The following CNTN2 variants were observed in gnomAD, a reference collection of about 807,000 sequenced individuals.
The protein encoded by CNTN2 is contactin 2.
In CNTN2, 53 loss-of-function variants were observed where a neutral mutation model predicts 117.5. That is an observed-to-expected ratio of 0.45 (90% CI 0.36 to 0.57). The LOEUF is 0.57. CNTN2 is among the 20% of genes least tolerant of loss of function. The pLI is 0.00. For missense variants in CNTN2, 1,106 were observed against 1,404.3 expected, an observed-to-expected ratio of 0.79 and a Z score of 3.39; for synonymous variants, 530 against 561.7, an observed-to-expected ratio of 0.94 and a Z score of 0.80.
chr1:205,072,255 A>G (rs1574662778), intron 20 of CNTN2, 122 bp downstream of exon 20: 3 of 1,071,188 alleles, frequency 2.8e-6, no homozygotes, highest in Non-Finnish European at 4.0e-6. Context: ...CTGAACAGAA[A>G]TTAGGCAGCG....
chr1:205,073,208 T>A lies in CNTN2; in HGVS notation c.2985T>A (p.Pro995=). The A allele has an allele frequency of 6.2e-7, 1 of 1,614,050 alleles. No homozygotes were observed. Among genetic ancestry groups the A allele is most frequent in the Non-Finnish European group, 8.5e-7 (1 of 1,179,990 alleles). Residue 995 remains proline, a synonymous_variant, in exon 22 of 23, where the codon CCT becomes CCA. Coordinates refer to ENST00000331830, the MANE Select transcript of CNTN2 (RefSeq NM_005076.5). The surrounding 1 kb of genome is among the most constrained non-coding windows in gnomAD (Gnocchi z 6.3). ...RTTGPGGDGI[P]AEVHIVRNGG... ...CAGGGCCCGGAGGGGATGGGATCCC[T>A]GCAGAAGTCCACATCGTGAGGAATG...
chr1:205,056,855 AAG>A (rs921361810), intron 2 of CNTN2, among the ~76,000 whole-genome samples: 3 of 152,162 alleles, frequency 2.0e-5, no homozygotes, highest in Admixed American at 1.3e-4. Context: ...ATGATGCATG[AAG>A]AGAGAGGAGT....
chr1:205,066,359 G>T, intron 14 of CNTN2, 82 bp from the exon 15 acceptor site: 1 of 1,533,996 alleles, frequency 6.5e-7, no homozygotes. Context: ...TACTGTACCA[G>T]CTCAAGCCTG....
chr1:205,073,335 C>T lies in CNTN2; in HGVS notation c.3013+99C>T, dbSNP rs895733033. 102 of 1,426,728 alleles carry T rather than the reference C, an allele frequency of 7.1e-5. No individual in the cohort carries two copies. The African/African-American group carries it at 1.2e-3, about 16-fold the overall frequency. The allele number at this position is 1,426,728 out of a possible 1,614,324, so 88.4% of individuals were successfully genotyped here. ...ACCCAGGCCAACTCCAATCTCTACC[C>T]GCAAAGGAAAGTGGAAGGCAGGCAG... On this transcript the variant is annotated intron_variant, in intron 22 of 22. Coordinates refer to ENST00000331830, the MANE Select transcript of CNTN2 (RefSeq NM_005076.5). This position sits in a 1 kb window ranked among gnomAD's most constrained non-coding sequence, Gnocchi z 6.3.
chr1:205,073,643 G>A lies in CNTN2; in HGVS notation c.3014-13G>A, dbSNP rs373723897. On this transcript the variant is annotated splice_polypyrimidine_tract_variant and intron_variant, in intron 22 of 22. Transcript: ENST00000331830. The surrounding 1 kb of genome is among the most constrained non-coding windows in gnomAD (Gnocchi z 6.3). ...GTCCCAGGCCCAGCTGACTCAGCTT[G>A]TGCTGGTTTCAGGCACAAGCATGAT... 3 of 1,611,978 alleles carry A rather than the reference G, an allele frequency of 1.9e-6. No homozygotes were observed. The highest frequency in any genetic ancestry group is 1.7e-5 in the Admixed American group (1 of 60,022).
chr1:205,070,674 T>C, intron 19 of CNTN2, 136 bp downstream of exon 19: 2 of 629,556 alleles, frequency 3.2e-6, no homozygotes, highest in East Asian at 5.7e-5. Context: ...ATCCAGTCTG[T>C]GTAGCACTGT....
intron 12 of CNTN2, 90 bp from the exon 13 acceptor site, chr1:205,064,997 C>A: frequency 6.9e-7 from 1 of 1,443,204 alleles, no homozygotes; most frequent in Non-Finnish European, 9.5e-7. Flanking sequence ...TTTGCTGGGC[C>A]TTAGGACAGA....
intron 19 of CNTN2, 97 bp from the exon 20 acceptor site, chr1:205,071,829 GCCTAAGACTGGGTCACAGGGA>G: frequency 1.0e-6 from 1 of 952,428 alleles, no homozygotes; most frequent in Non-Finnish European, 1.5e-6. Context: ...AGGTTCTGAG[GCCTAAGACTGGGTCACAGGGA>G]CCAGGATGAG....
chr1:205,057,678 G>C lies in CNTN2; in HGVS notation c.71-243G>C, dbSNP rs537038127. ...AGTATGGCCAGATGGGGCCTGCCCA[G>C]CCTATTTAAATTCAAATTTAAATTA... On this transcript the variant is annotated intron_variant, in intron 2 of 22. Coordinates refer to ENST00000331830, the MANE Select transcript of CNTN2 (RefSeq NM_005076.5). 3 of 412,472 alleles carry C rather than the reference G, an allele frequency of 7.3e-6. No individual in the cohort carries two copies. In the East Asian group the frequency reaches 1.3e-4, roughly 17 times the overall value. The allele number at this position is 412,472 out of a possible 1,614,324, so 25.6% of individuals were successfully genotyped here. A position where few individuals can be genotyped will look rare whatever the true frequency, so the allele number is the denominator to read the frequency against.
Position 205,059,736 on chromosome 1 carries a change from A to G in CNTN2, c.797+54A>G. 6.8e-7 allele frequency: 1 copy of G among 1,476,556 alleles called. No homozygotes were observed. Among genetic ancestry groups the G allele is most frequent in the South Asian group, 1.1e-5 (1 of 88,366 alleles). The allele number at this position is 1,476,556 out of a possible 1,614,324, so 91.5% of individuals were successfully genotyped here. On this transcript the variant is annotated intron_variant, in intron 7 of 22. Coordinates refer to ENST00000331830, the MANE Select transcript of CNTN2 (RefSeq NM_005076.5). The surrounding 1 kb of genome is among the most constrained non-coding windows in gnomAD (Gnocchi z 5.6). ...GCACGGTCTCTCGGGGGCACAGGTG[A>G]CCCCAGGGTGAGGGCAGGCAGAGTC...
rs1237660095 is a variant in CNTN2 at position 205,075,057 on chromosome 1, G to A, written c.*1292G>A. 2.5e-6 allele frequency: 1 copy of A among 396,730 alleles called. No homozygotes were observed. The highest frequency in any genetic ancestry group is 4.4e-6 in the Non-Finnish European group (1 of 225,428). 24.6% of individuals were successfully genotyped at this position (396,730 alleles called of 1,614,324 possible). A position where few individuals can be genotyped will look rare whatever the true frequency, so the allele number is the denominator to read the frequency against. ...ACTTTACAGATGAGGAAATGGAGGTGGTCCAGAGAGGGTCTGGGATTCCCA... is the reference window on the plus strand; with the variant it reads ...ACTTTACAGATGAGGAAATGGAGGTAGTCCAGAGAGGGTCTGGGATTCCCA... On this transcript the variant is annotated 3_prime_UTR_variant, in exon 23 of 23. Coordinates refer to ENST00000331830, the MANE Select transcript of CNTN2 (RefSeq NM_005076.5).
At position 205,049,738 on chromosome 1, in the gene CNTN2, T is replaced by C. The variant is rs118002051; in HGVS notation, c.-86-3362T>C. Among the ~76,000 whole-genome samples the C allele has an allele frequency of 1.3e-4, 20 of 152,354 alleles. No homozygotes were observed. In the East Asian group the frequency reaches 3.5e-3, roughly 26 times the overall value. Reference sequence around the variant, plus strand: ...AAATGATGATTGAGCACCTTCTCTGTGCCAGGCATCAGGACGCAGCACACC... The same window carrying C: ...AAATGATGATTGAGCACCTTCTCTGCGCCAGGCATCAGGACGCAGCACACC... On this transcript the variant is annotated intron_variant, in intron 1 of 22. Coordinates refer to ENST00000331830, the MANE Select transcript of CNTN2 (RefSeq NM_005076.5).
chr1:205,051,856 C>T (rs2096453542), intron 1 of CNTN2, among the ~76,000 whole-genome samples: 1 of 152,244 alleles, frequency 6.6e-6, no homozygotes, highest in African/African-American at 2.4e-5. Context: ...TGAGCTTGCA[C>T]TGGCCTTCAG....
upstream of CNTN2, chr1:205,043,070 T>C (rs2071533): frequency 4.2e-5 from 6 of 142,462 alleles, no homozygotes; most frequent in South Asian, 2.4e-4. Flanking sequence ...GGGACGGAAG[T>C]GGGGTGGGAG....
rs544873843 is a variant in CNTN2 at position 205,052,872 on chromosome 1, G to T, written c.-86-228G>T. ...CTGGCTGGAATGGGGGCAGGTGGGG[G>T]TACAGGGCTGAGCCAGACTCCCAGG... On this transcript the variant is annotated intron_variant, in intron 1 of 22. Transcript: ENST00000331830. Among the ~76,000 whole-genome samples, 6 of 152,282 alleles carry T rather than the reference G, an allele frequency of 3.9e-5. 1 individual carries two copies. Among genetic ancestry groups the T allele is most frequent in the East Asian group, 3.9e-4 (2 of 5,182 alleles).
chr1:205,074,481 TCTGAGATAGTCACAAC>T lies in CNTN2; in HGVS notation c.*718_*733del. 1 of 398,340 alleles carries T rather than the reference TCTGAGATAGTCACAAC, an allele frequency of 2.5e-6. No individual in the cohort carries two copies. The highest frequency in any genetic ancestry group is 6.3e-4 in the Middle Eastern group (1 of 1,592). 24.7% of individuals were successfully genotyped at this position (398,340 alleles called of 1,614,324 possible). ...TGGTGGAAAGGGGCACCAGCCTTGG[TCTGAGATAGTCACAAC>T]CCAGGTGACGATGCCCTCTCAGCCA... On this transcript the variant is annotated 3_prime_UTR_variant, in exon 23 of 23. Transcript: ENST00000331830.
chr1:205,065,967 T>C lies in CNTN2; in HGVS notation c.1816+58T>C. The C allele has an allele frequency of 6.5e-7, 1 of 1,540,684 alleles. No homozygotes were observed. The highest frequency in any genetic ancestry group is 8.7e-7 in the Non-Finnish European group (1 of 1,143,284). ...ACTCCCTTAAAACCCAGCTGGGCTG[T>C]TCTGACCTGCTCGCCTCATCTCCCC... On this transcript the variant is annotated intron_variant, in intron 14 of 22. Transcript: ENST00000331830. This position sits in a 1 kb window ranked among gnomAD's most constrained non-coding sequence, Gnocchi z 4.1.
In CNTN2 at chr1:205,059,477, A is replaced by G. The variant is rs1237741174; in HGVS notation, c.698-106A>G. 4.0e-6 allele frequency: 5 copies of G among 1,255,364 alleles called. No homozygotes were observed. Among genetic ancestry groups the G allele is most frequent in the Non-Finnish European group, 4.6e-6 (4 of 865,856 alleles). 77.8% of individuals were successfully genotyped at this position (1,255,364 alleles called of 1,614,324 possible). ...GCCCCAGGCCTCAAGGAGATTCCAC[A>G]CAGCTGCCTAGACAGAGTTGGCTCT... On this transcript the variant is annotated intron_variant, in intron 6 of 22. Transcript: ENST00000331830. The surrounding 1 kb of genome is among the most constrained non-coding windows in gnomAD (Gnocchi z 5.6).
In CNTN2 at chr1:205,073,736, C is replaced by T. The variant is rs746653867; in HGVS notation, c.3094C>T (p.Leu1032=). 1 of 1,613,956 alleles carries T rather than the reference C, an allele frequency of 6.2e-7. No homozygotes were observed. The change falls in exon 23 of 23, where the codon CTG becomes TTG. Residue 1032 remains leucine, a synonymous_variant. Coordinates refer to ENST00000331830, the MANE Select transcript of CNTN2 (RefSeq NM_005076.5). This position sits in a 1 kb window ranked among gnomAD's most constrained non-coding sequence, Gnocchi z 6.3. The part of the protein sequence containing the change: ...GTVISHSVAM[L]ILIGSLEL ...CGTCATTTCCCACTCCGTGGCGATGCTGATCCTCATAGGCTCCCTGGAGCT... is the reference window on the plus strand; with the variant it reads ...CGTCATTTCCCACTCCGTGGCGATGTTGATCCTCATAGGCTCCCTGGAGCT...
Sources: allele counts gnomAD v4.1 joint callset (sites outside exome capture counted in the v4.1 genomes callset), GRCh38; gene constraint gnomAD v4.1.1; non-coding constraint Gnocchi (gnomAD v3.1); transcripts MANE v1.5; gene names NCBI Gene and HGNC (gene_info 2026-07-23, HGNC 2026-07-21).